The following OTULINL variants were observed in gnomAD, a reference collection of about 807,000 sequenced individuals.
OTULINL encodes the protein inactive ubiquitin thioesterase OTULINL.
A neutral mutation model predicts 43.9 loss-of-function variants in OTULINL; 42 were observed. That is an observed-to-expected ratio of 0.96 (90% CI 0.75 to 1.24). The LOEUF is 1.24. Ranked by LOEUF, OTULINL falls within the 50% of genes most tolerant of loss-of-function variation. The pLI, the probability that OTULINL is intolerant of heterozygous loss-of-function variation, is 0.00. For missense variants in OTULINL, 411 were observed against 426.4 expected (o/e 0.96, Z 0.32); for synonymous variants, 172 against 153.6 (o/e 1.12, Z -0.88).
chr5:14,595,297 GAAGTAGAC>G (rs1259696067), intron 1 of OTULINL, among the ~76,000 whole-genome samples: 16 of 152,170 alleles, frequency 1.1e-4, no homozygotes, highest in Admixed American at 1.0e-3. Flanking sequence ...ATCAGGAGAG[GAAGTAGAC>G]AAGGTTGAGG....
chr5:14,589,432 C>T (rs1018318786), intron 1 of OTULINL, among the ~76,000 whole-genome samples: 3 of 152,064 alleles, frequency 2.0e-5, no homozygotes, highest in Non-Finnish European at 4.4e-5. Flanking sequence ...AGGCACTCCT[C>T]CTATTGGAGC....
chr5:14,588,058 TC>T (rs1297656733), intron 1 of OTULINL, among the ~76,000 whole-genome samples: 1 of 152,144 alleles, frequency 6.6e-6, no homozygotes, highest in Non-Finnish European at 1.5e-5. Context: ...AGCATGAACT[TC>T]CAAGGGTCGG....
At chr5:14,601,154 A>G (rs1339481884) in intron 2 of OTULINL, 30 bp downstream of exon 2, 11 of 1,611,078 alleles carry the variant, frequency 6.8e-6, no homozygotes, top group African/African-American at 1.3e-5. Flanking sequence ...TTAAATTTCA[A>G]ATGTATCTTT....
At chr5:14,609,860 C>T (rs1429798268) in intron 7 of OTULINL, among the ~76,000 whole-genome samples, 2 of 152,158 alleles carry the variant, frequency 1.3e-5, no homozygotes, top group Non-Finnish European at 2.9e-5. Flanking sequence ...CCTCGTGATC[C>T]GCCCGCCTCG....
chr5:14,597,471 C>A (rs757481047), intron 1 of OTULINL, among the ~76,000 whole-genome samples: 1 of 152,212 alleles, frequency 6.6e-6, no homozygotes, highest in Non-Finnish European at 1.5e-5. Flanking sequence ...ACTCTAGAGA[C>A]TTCTTACTGC....
chr5:14,608,229 G>C (rs1759514517), intron 6 of OTULINL, among the ~76,000 whole-genome samples: 1 of 152,126 alleles, frequency 6.6e-6, no homozygotes. Context: ...GTCAGCTTAG[G>C]CTTCTATAAC....
intron 1 of OTULINL, among the ~76,000 whole-genome samples, chr5:14,584,373 CCCAGTGTGGAACGGCGCACCCACT>C (rs1264425180): frequency 6.6e-6 from 1 of 152,172 alleles, no homozygotes; most frequent in Admixed American, 6.5e-5. Flanking sequence ...AATAGGAATG[CCCAGTGTGGAACGGCGCACCCACT>C]CCAGCTATAC....
intron 1 of OTULINL, among the ~76,000 whole-genome samples, chr5:14,595,915 CTGTA>C (rs1759279943): frequency 6.6e-6 from 1 of 152,036 alleles, no homozygotes. Flanking sequence ...ATGCATTGTG[CTGTA>C]TGTATGGTCT....
chr5:14,599,844 C>G (rs906082981), intron 1 of OTULINL, among the ~76,000 whole-genome samples: 2 of 152,156 alleles, frequency 1.3e-5, no homozygotes, highest in Non-Finnish European at 2.9e-5. Flanking sequence ...TTTGTCAAAT[C>G]AGGAATCACA....
At chr5:14,607,507 C>T (rs1759504025) in intron 6 of OTULINL, 49 bp downstream of exon 6, 2 of 1,604,084 alleles carry the variant, frequency 1.2e-6, no homozygotes, top group South Asian at 2.2e-5. Flanking sequence ...AAGCACATAT[C>T]CCAGATAGAG....
At position 14,610,348 on chromosome 5, in the gene OTULINL, T is replaced by G. The variant is rs748189120; in HGVS notation, c.*34T>G. On this transcript the variant is annotated 3_prime_UTR_variant, in exon 8 of 8. Coordinates refer to ENST00000274217, the MANE Select transcript of OTULINL (RefSeq NM_019018.3). ...GGGGCCGAACAGCAGTGCTCACCAG[T>G]GACGGTGGTCACAGTTGCAATAAAG... The G allele has an allele frequency of 4.4e-6, 7 of 1,598,584 alleles. No homozygotes were observed. The East Asian group carries it at 1.6e-4, about 36-fold the overall frequency.
chr5:14,589,493 G>A (rs1285949821), intron 1 of OTULINL, among the ~76,000 whole-genome samples: 1 of 152,128 alleles, frequency 6.6e-6, no homozygotes, highest in African/African-American at 2.4e-5. Context: ...ACCATGAGGG[G>A]GACTGGGCGT....
chr5:14,592,870 C>T (rs152615), intron 1 of OTULINL, among the ~76,000 whole-genome samples: 8,955 of 152,234 alleles, frequency 0.059, 880 homozygotes, highest in African/African-American at 0.2. Flanking sequence ...CAGGCTTCTC[C>T]AGCCTCCCCT....
intron 1 of OTULINL, among the ~76,000 whole-genome samples, chr5:14,600,331 A>G (rs1032218902): frequency 1.3e-5 from 2 of 152,254 alleles, no homozygotes; most frequent in African/African-American, 2.4e-5. Flanking sequence ...CTGTGAGTCA[A>G]TTAAACCTCT....
chr5:14,588,779 A>T (rs1311736178), intron 1 of OTULINL, among the ~76,000 whole-genome samples: 2 of 152,206 alleles, frequency 1.3e-5, no homozygotes, highest in Non-Finnish European at 2.9e-5. Flanking sequence ...TCACATTTAC[A>T]TTCCAGCTAA....
At chr5:14,597,570 G>A (rs1322392202) in intron 1 of OTULINL, among the ~76,000 whole-genome samples, 1 of 152,186 alleles carries the variant, frequency 6.6e-6, no homozygotes, top group African/African-American at 2.4e-5. Flanking sequence ...AGCTTAAACT[G>A]TAGCTATTGT....
intron 1 of OTULINL, among the ~76,000 whole-genome samples, chr5:14,592,305 C>T (rs1197310225): frequency 1.3e-5 from 2 of 152,046 alleles, no homozygotes; most frequent in South Asian, 2.1e-4. Context: ...GCTGTCTAAA[C>T]TATAAGAGAG....
At chr5:14,609,548 A>G (rs986071162) in intron 7 of OTULINL, among the ~76,000 whole-genome samples, 1 of 152,194 alleles carries the variant, frequency 6.6e-6, no homozygotes, top group African/African-American at 2.4e-5. Flanking sequence ...AACTGATTGG[A>G]AAATAATGTA....
chr5:14,598,020 A>G (rs1214149694), intron 1 of OTULINL, among the ~76,000 whole-genome samples: 3 of 152,146 alleles, frequency 2.0e-5, no homozygotes, highest in African/African-American at 7.2e-5. Context: ...GCGGGTCCCC[A>G]TGGAGGCCTG....
Sources: allele counts gnomAD v4.1 joint callset (sites outside exome capture counted in the v4.1 genomes callset), GRCh38; gene constraint gnomAD v4.1.1; transcripts MANE v1.5; gene names NCBI Gene and HGNC (gene_info 2026-07-23, HGNC 2026-07-21).